PDGFD: variants seen among roughly 807,000 people sequenced by gnomAD.
PDGFD encodes platelet-derived growth factor D.
Under a neutral mutation model 44.7 loss-of-function variants are expected in PDGFD, and 30 were observed. That is an observed-to-expected ratio of 0.67 (90% CI 0.50 to 0.91). The LOEUF (loss-of-function observed/expected upper bound fraction) is 0.91. PDGFD is among the 40% of genes least tolerant of loss of function. PDGFD has a pLI of 0.00. For missense variants in PDGFD, 445 were observed against 457.8 expected (o/e 0.97, Z 0.25); for synonymous variants, 173 against 168.4 (o/e 1.03, Z -0.21).
Position 104,164,045 on chromosome 11 carries a change from T to C in PDGFD, c.-118A>G, listed in dbSNP as rs7951828. ...TGCGCTCGCCCTGCGCTGGCCCGGGTCGCTGTGCTAATCGCCGAGCTCTCC... is the reference window on the plus strand; with the variant it reads ...TGCGCTCGCCCTGCGCTGGCCCGGGCCGCTGTGCTAATCGCCGAGCTCTCC... On this transcript the variant is annotated 5_prime_UTR_variant, in exon 1 of 7. Transcript: ENST00000393158. The C allele has an allele frequency of 5.9e-3, 6,983 of 1,190,132 alleles. 322 individuals are homozygous for C. In the African/African-American group the frequency reaches 0.096, roughly 16 times the overall value. 73.7% of individuals were successfully genotyped at this position (1,190,132 alleles called of 1,614,324 possible).
intron 1 of PDGFD, among the ~76,000 whole-genome samples, chr11:104,108,546 A>C (rs1406800973): frequency 6.6e-6 from 1 of 152,148 alleles, no homozygotes. Flanking sequence ...AAAAGTCAGG[A>C]AACAACAGGT....
chr11:104,155,336 T>C (rs1335861923), intron 1 of PDGFD, among the ~76,000 whole-genome samples: 3 of 152,214 alleles, frequency 2.0e-5, no homozygotes, highest in African/African-American at 4.8e-5. Context: ...GGCTATAATA[T>C]AGTTATTCCC....
chr11:104,066,165 A>G (rs986378594), intron 1 of PDGFD, among the ~76,000 whole-genome samples: 9 of 152,214 alleles, frequency 5.9e-5, no homozygotes, highest in Non-Finnish European at 1.0e-4. Context: ...GAGGAATGCC[A>G]TACCTCCGTC....
intron 1 of PDGFD, among the ~76,000 whole-genome samples, chr11:104,094,531 T>C (rs1430599911): frequency 6.6e-6 from 1 of 152,136 alleles, no homozygotes; most frequent in East Asian, 1.9e-4. Flanking sequence ...TCAAAGTTTG[T>C]CTTCCTTTTC....
intron 1 of PDGFD, among the ~76,000 whole-genome samples, chr11:104,053,490 G>A (rs1860573795): frequency 6.6e-6 from 1 of 152,136 alleles, no homozygotes; most frequent in South Asian, 2.1e-4. Flanking sequence ...AATATATTTA[G>A]CTTCTTACTA....
rs542682169 is a variant in PDGFD at position 104,118,200 on chromosome 11, A to G, written c.124+45604T>C. On this transcript the variant is annotated intron_variant, in intron 1 of 6. Coordinates refer to ENST00000393158, the MANE Select transcript of PDGFD (RefSeq NM_025208.5). The stretch of plus-strand genomic sequence containing the variant: ...ATTATGAAGCCTAATCCTCAGTATA[A>G]TGGCATTTGTAGATGGAGTCTTTGA... Among the ~76,000 whole-genome samples, 17 of 151,932 alleles carry G rather than the reference A, an allele frequency of 1.1e-4. No homozygotes were observed. In the South Asian group the frequency reaches 3.3e-3, roughly 30 times the overall value.
chr11:104,118,883 ATAT>A (rs1221393298), intron 1 of PDGFD, among the ~76,000 whole-genome samples: 2 of 96,602 alleles, frequency 2.1e-5, no homozygotes, highest in Non-Finnish European at 3.7e-5. Flanking sequence ...ATATACATAT[ATAT>A]TATTATGTAT....
intron 3 of PDGFD, among the ~76,000 whole-genome samples, chr11:103,970,580 C>A (rs188626836): frequency 3.9e-5 from 6 of 152,108 alleles, no homozygotes; most frequent in Admixed American, 2.6e-4. Context: ...TAGAGAAAAG[C>A]TGATTGATTA....
intron 1 of PDGFD, among the ~76,000 whole-genome samples, chr11:104,150,388 G>C (rs1862224011): frequency 6.6e-6 from 1 of 152,138 alleles, no homozygotes; most frequent in Non-Finnish European, 1.5e-5. Flanking sequence ...TGTCAATATA[G>C]ATTTACTGGC....
intron 3 of PDGFD, among the ~76,000 whole-genome samples, chr11:103,980,703 A>G (rs1233792499): frequency 2.0e-5 from 3 of 152,194 alleles, no homozygotes; most frequent in Non-Finnish European, 2.9e-5. Flanking sequence ...TAAATGCCCA[A>G]TATCACAGTA....
chr11:103,997,247 G>C (rs2129741), intron 2 of PDGFD, among the ~76,000 whole-genome samples: 53,194 of 151,874 alleles, frequency 0.35, 9,971 homozygotes, highest in Admixed American at 0.51. Context: ...GGGCATTCAG[G>C]GTGAACAGTG....
chr11:104,003,162 T>C (rs1170336431), intron 1 of PDGFD, among the ~76,000 whole-genome samples: 1 of 152,238 alleles, frequency 6.6e-6, no homozygotes, highest in Admixed American at 6.5e-5. Flanking sequence ...TATTAAGTGC[T>C]GAGTGTAAAT....
chr11:103,999,608 C>T (rs1461601343), intron 2 of PDGFD, among the ~76,000 whole-genome samples: 1 of 152,110 alleles, frequency 6.6e-6, no homozygotes, highest in Non-Finnish European at 1.5e-5. Flanking sequence ...ACCATCATCT[C>T]CCAGTGCTGG....
intron 1 of PDGFD, among the ~76,000 whole-genome samples, chr11:104,111,262 C>CTTTTTTTT (rs373944945): frequency 8.4e-6 from 1 of 119,646 alleles, no homozygotes; most frequent in Non-Finnish European, 1.8e-5. Context: ...ATTATTAATT[C>CTTTTTTTT]TTTTTTTTTT....
intron 2 of PDGFD, among the ~76,000 whole-genome samples, chr11:103,996,514 G>T (rs1018586226): frequency 3.5e-4 from 53 of 152,256 alleles, no homozygotes; most frequent in African/African-American, 1.2e-3. Context: ...GTCACTTTCT[G>T]AGCATCTGGT....
intron 1 of PDGFD, among the ~76,000 whole-genome samples, chr11:104,108,027 G>A (rs1180096735): frequency 6.6e-6 from 1 of 152,134 alleles, no homozygotes; most frequent in Non-Finnish European, 1.5e-5. Flanking sequence ...TGGACTTACA[G>A]AGATTGCAGA....
chr11:104,133,101 G>A (rs1861947677), intron 1 of PDGFD, among the ~76,000 whole-genome samples: 1 of 152,110 alleles, frequency 6.6e-6, no homozygotes, highest in Non-Finnish European at 1.5e-5. Context: ...TCATAGGCTA[G>A]AATTAGTTAT....
In PDGFD at chr11:103,959,307, T is replaced by C. The variant is rs141319698; in HGVS notation, c.511-11583A>G. Among the ~76,000 whole-genome samples the C allele has an allele frequency of 3.3e-5, 5 of 152,324 alleles. No homozygotes were observed. The East Asian group carries it at 9.6e-4, about 29-fold the overall frequency. ...CTGAATATAAAATATTTAAGAGTCA[T>C]GTTACTACTATACAGCTATGTAAAT... On this transcript the variant is annotated intron_variant, in intron 3 of 6. Coordinates refer to ENST00000393158, the MANE Select transcript of PDGFD (RefSeq NM_025208.5).
chr11:104,091,309 C>A (rs1368823161), intron 1 of PDGFD, among the ~76,000 whole-genome samples: 2 of 151,310 alleles, frequency 1.3e-5, no homozygotes, highest in East Asian at 3.9e-4. Context: ...AATTTTTTTT[C>A]TTTTATTTTA....
Sources: allele counts gnomAD v4.1 joint callset (sites outside exome capture counted in the v4.1 genomes callset), GRCh38; gene constraint gnomAD v4.1.1; transcripts MANE v1.5; gene names NCBI Gene and HGNC (gene_info 2026-07-23, HGNC 2026-07-21).